THADA: variants seen among roughly 807,000 people sequenced by gnomAD.
THADA encodes the protein tRNA (32-2'-O)-methyltransferase regulator THADA.
Under a neutral mutation model 219.8 loss-of-function variants are expected in THADA, and 213 were observed. That is an observed-to-expected ratio of 0.97 (90% confidence interval 0.87 to 1.09). THADA has a LOEUF of 1.09. THADA is among the 50% of genes least tolerant of loss of function. THADA has a pLI of 0.00. For missense variants in THADA, 2,956 were observed against 2,311.3 expected, an observed-to-expected ratio of 1.28 and a Z score of -5.72; for synonymous variants, 1,018 against 828.9, an observed-to-expected ratio of 1.23 and a Z score of -3.92.
At chr2:43,266,218 C>T (rs930047881) in intron 36 of THADA, among the ~76,000 whole-genome samples, 3 of 152,132 alleles carry the variant, frequency 2.0e-5, no homozygotes, top group Admixed American at 6.6e-5. Context: ...CCATCTCAAA[C>T]CCCATGTCCA....
At chr2:43,338,000 G>A (rs1485310709) in intron 30 of THADA, among the ~76,000 whole-genome samples, 2 of 152,002 alleles carry the variant, frequency 1.3e-5, no homozygotes, top group Non-Finnish European at 2.9e-5. Context: ...TCAGATGAAT[G>A]ATGGGGTATA....
At chr2:43,493,497 T>G (rs1021528290) in intron 25 of THADA, among the ~76,000 whole-genome samples, 10 of 151,894 alleles carry the variant, frequency 6.6e-5, no homozygotes, top group African/African-American at 2.4e-4. Context: ...CCGTCCAAAA[T>G]AAAAATAAAC....
intron 36 of THADA, among the ~76,000 whole-genome samples, chr2:43,234,871 C>G (rs1309544851): frequency 6.6e-6 from 1 of 152,200 alleles, no homozygotes; most frequent in Non-Finnish European, 1.5e-5. Flanking sequence ...CTGGGTTTCA[C>G]CATGTTGGCC....
At chr2:43,326,431 T>C (rs1679344555) in intron 30 of THADA, among the ~76,000 whole-genome samples, 1 of 151,992 alleles carries the variant, frequency 6.6e-6, no homozygotes, top group African/African-American at 2.4e-5. Context: ...AAAGGGACAA[T>C]GGTATGGGGG....
chr2:43,418,753 A>G (rs995191887), intron 28 of THADA, among the ~76,000 whole-genome samples: 1 of 152,174 alleles, frequency 6.6e-6, no homozygotes, highest in African/African-American at 2.4e-5. Context: ...CCAATGTTTG[A>G]GAGGCAGCGG....
intron 26 of THADA, among the ~76,000 whole-genome samples, chr2:43,434,631 A>G (rs1021027233): frequency 3.3e-5 from 5 of 152,234 alleles, no homozygotes; most frequent in Non-Finnish European, 5.9e-5. Flanking sequence ...GAGTTTGGCC[A>G]GGGCAGTCAG....
intron 17 of THADA, 111 bp downstream of exon 17, chr2:43,556,234 A>T: frequency 6.6e-7 from 1 of 1,514,004 alleles, no homozygotes; most frequent in Non-Finnish European, 8.8e-7. Flanking sequence ...ATATGCTGAT[A>T]AACTTTTAAA....
intron 16 of THADA, among the ~76,000 whole-genome samples, chr2:43,557,699 T>C (rs1279622641): frequency 6.6e-6 from 1 of 152,236 alleles, no homozygotes; most frequent in Non-Finnish European, 1.5e-5. Context: ...ACTGGCAAGC[T>C]GTGTGTTCAT....
At chr2:43,413,291 G>C (rs1192147166) in intron 28 of THADA, among the ~76,000 whole-genome samples, 1 of 152,022 alleles carries the variant, frequency 6.6e-6, no homozygotes, top group African/African-American at 2.4e-5. Context: ...GGCTTGATGA[G>C]AAAAACACAA....
At chr2:43,326,801 T>G (rs1350864508) in intron 30 of THADA, among the ~76,000 whole-genome samples, 1 of 152,164 alleles carries the variant, frequency 6.6e-6, no homozygotes, top group Non-Finnish European at 1.5e-5. Context: ...TGTGAAGCCT[T>G]GGTGGGCTTC....
At chr2:43,551,668 T>C in intron 19 of THADA, 121 bp downstream of exon 19, 1 of 874,588 alleles carries the variant, frequency 1.1e-6, no homozygotes, top group Non-Finnish European at 1.6e-6. Flanking sequence ...ATAATAATAA[T>C]TATTTTCTCC....
At chr2:43,447,726 C>T (rs963616171) in intron 26 of THADA, among the ~76,000 whole-genome samples, 1 of 151,926 alleles carries the variant, frequency 6.6e-6, no homozygotes, top group African/African-American at 2.4e-5. Context: ...GAAATAACCT[C>T]CCATAGCCTT....
intron 26 of THADA, among the ~76,000 whole-genome samples, chr2:43,444,407 T>C (rs952508107): frequency 2.0e-5 from 3 of 152,218 alleles, no homozygotes; most frequent in East Asian, 1.9e-4. Context: ...GGTTAAGCCA[T>C]AGGTGGAACG....
chr2:43,491,095 T>C (rs1687578048), intron 25 of THADA, among the ~76,000 whole-genome samples: 2 of 152,186 alleles, frequency 1.3e-5, no homozygotes, highest in East Asian at 3.8e-4. Flanking sequence ...GTTTCAGGTA[T>C]TGCTTTGTAT....
At chr2:43,430,344 T>C in intron 26 of THADA, 42 bp from the exon 27 acceptor site, 2 of 1,175,882 alleles carry the variant, frequency 1.7e-6, no homozygotes, top group South Asian at 2.9e-5. Context: ...ATTTATTCCC[T>C]TTGATCTGAC....
chr2:43,570,602 G>C, intron 13 of THADA, 92 bp from the exon 14 acceptor site: 2 of 1,320,092 alleles, frequency 1.5e-6, no homozygotes, highest in Admixed American at 2.8e-5. Context: ...AAAACTTCAG[G>C]CAAGAAGAGT....
chr2:43,496,161 A>G lies in THADA; in HGVS notation c.3744+2672T>C, dbSNP rs111418412. Among the ~76,000 whole-genome samples, 606 of 152,332 alleles carry G rather than the reference A, an allele frequency of 4.0e-3. 4 individuals are homozygous for G. Among genetic ancestry groups the G allele is most frequent in the Admixed American group, 5.0e-3 (77 of 15,298 alleles). ...ACTCCACTCTGCAGGTAATGTATTA[A>G]GATCTAGCTTCTTTTCTCTTCTCCC... On this transcript the variant is annotated intron_variant, in intron 25 of 37. Transcript: ENST00000405975.
chr2:43,313,531 G>C (rs1310884285), intron 31 of THADA, among the ~76,000 whole-genome samples: 1 of 152,246 alleles, frequency 6.6e-6, no homozygotes, highest in Non-Finnish European at 1.5e-5. Context: ...GTTTTGTGCA[G>C]TGGCCATAGG....
intron 26 of THADA, among the ~76,000 whole-genome samples, chr2:43,462,200 A>G (rs1683717323): frequency 6.6e-6 from 1 of 152,202 alleles, no homozygotes; most frequent in African/African-American, 2.4e-5. Context: ...AACAAAGGAG[A>G]AAACTCTGGT....
Sources: allele counts gnomAD v4.1 joint callset (sites outside exome capture counted in the v4.1 genomes callset), GRCh38; gene constraint gnomAD v4.1.1; transcripts MANE v1.5; gene names NCBI Gene and HGNC (gene_info 2026-07-23, HGNC 2026-07-21).